GAB1: variants seen among roughly 807,000 people sequenced by gnomAD.
GAB1 encodes the protein GRB2 associated binding protein 1.
GAB1 carries 19 observed loss-of-function variants against 66.5 expected under a neutral mutation model. The observed-to-expected ratio is 0.29, with a 90% CI of 0.20 to 0.42. The LOEUF (loss-of-function observed/expected upper bound fraction) is 0.42, where lower values mean the gene tolerates loss of function less well. GAB1 is among the 10% of genes least tolerant of loss of function. The pLI is 1.00. For synonymous variants in GAB1, 294 were observed against 301.4 expected (o/e 0.98, Z 0.25); for missense variants, 732 against 858.5 (o/e 0.85, Z 1.84).
intron 1 of GAB1, among the ~76,000 whole-genome samples, chr4:143,375,088 T>C (rs115047704): frequency 0.042 from 6,459 of 152,198 alleles, 143 homozygotes; most frequent in African/African-American, 0.052. Flanking sequence ...GCTGGAATTA[T>C]AGGTGCCCGC....
chr4:143,388,386 T>A (rs1731014938), intron 1 of GAB1, among the ~76,000 whole-genome samples: 1 of 152,138 alleles, frequency 6.6e-6, no homozygotes, highest in South Asian at 2.1e-4. Context: ...ACTTAACACC[T>A]GGAGGAATTT....
chr4:143,405,262 A>G (rs1053213582), intron 1 of GAB1, among the ~76,000 whole-genome samples: 1 of 152,214 alleles, frequency 6.6e-6, no homozygotes, highest in African/African-American at 2.4e-5. Flanking sequence ...AACTGTGTAT[A>G]TATACATAAA....
intron 6 of GAB1, among the ~76,000 whole-genome samples, chr4:143,445,680 G>A (rs1373314454): frequency 6.6e-6 from 1 of 152,122 alleles, no homozygotes; most frequent in African/African-American, 2.4e-5. Flanking sequence ...TTATTATCAG[G>A]AGGAGACATT....
At chr4:143,432,256 A>G (rs1733697783) in intron 2 of GAB1, among the ~76,000 whole-genome samples, 3 of 152,210 alleles carry the variant, frequency 2.0e-5, no homozygotes, top group Admixed American at 6.5e-5. Flanking sequence ...CTCTAACCTC[A>G]GAAGAAATCT....
At position 143,438,433 on chromosome 4, in the gene GAB1, C is replaced by G; in HGVS notation, c.1028C>G (p.Pro343Arg). 6.2e-7 allele frequency: 1 copy of G among 1,614,046 alleles called. No individual in the cohort carries two copies. The highest frequency in any genetic ancestry group is 8.5e-7 in the Non-Finnish European group (1 of 1,180,004). Residue 343 changes from proline to arginine, a missense_variant, in exon 4 of 10, where the codon CCT becomes CGT. By Grantham distance (103) the Pro-to-Arg change is moderately radical. Coordinates refer to ENST00000262994, the MANE Select transcript of GAB1 (RefSeq NM_002039.4). ...GACACTATTCCAGATATTCCTCCAC[C>G]TCGGCCACCGAAACCACATCCAGCT... ...KLDTIPDIPP[P>R]RPPKPHPAHD...
In GAB1 at chr4:143,465,750, T is replaced by G. The variant is rs558067050; in HGVS notation, c.1804-353T>G. Among the ~76,000 whole-genome samples, 64 of 152,292 alleles carry G rather than the reference T, an allele frequency of 4.2e-4. 1 individual carries two copies. The highest frequency in any genetic ancestry group is 1.5e-3 in the African/African-American group (63 of 41,554). On this transcript the variant is annotated intron_variant, in intron 8 of 9. Transcript: ENST00000262994. ...AGCCTTTAGATAAAACGTAGAAAGT[T>G]TTTTTAAAATTTAACTTGAAAGCAA...
At chr4:143,431,058 T>C (rs933597803) in intron 2 of GAB1, among the ~76,000 whole-genome samples, 10 of 152,158 alleles carry the variant, frequency 6.6e-5, no homozygotes, top group African/African-American at 2.4e-4. Context: ...CACCTATCCT[T>C]CTTTAATTAA....
At chr4:143,382,500 G>A (rs1245013218) in intron 1 of GAB1, among the ~76,000 whole-genome samples, 1 of 152,122 alleles carries the variant, frequency 6.6e-6, no homozygotes, top group Admixed American at 6.5e-5. Flanking sequence ...TGTTATTTTG[G>A]AAAAGCAATG....
chr4:143,367,032 G>T (rs1290630487), intron 1 of GAB1, among the ~76,000 whole-genome samples: 2 of 152,042 alleles, frequency 1.3e-5, no homozygotes, highest in Non-Finnish European at 2.9e-5. Flanking sequence ...TTTTGTCCAG[G>T]CCACAGTTTT....
intron 1 of GAB1, among the ~76,000 whole-genome samples, chr4:143,407,142 A>C (rs141382081): frequency 7.2e-5 from 11 of 152,266 alleles, no homozygotes; most frequent in Admixed American, 7.2e-4. Context: ...AATATTACCT[A>C]TATACCTTTT....
At chr4:143,379,667 G>T (rs1436802438) in intron 1 of GAB1, among the ~76,000 whole-genome samples, 2 of 152,082 alleles carry the variant, frequency 1.3e-5, no homozygotes, top group African/African-American at 4.8e-5. Context: ...ACTCACTGCA[G>T]CCTCGACCTC....
At chr4:143,395,900 G>A (rs1339745303) in intron 1 of GAB1, 9 of 455,216 alleles carry the variant, frequency 2.0e-5, no homozygotes, top group East Asian at 6.9e-5. Flanking sequence ...CCCCGCCCCC[G>A]GGAGAGCAGC....
At chr4:143,432,965 T>C (rs1193329520) in intron 2 of GAB1, among the ~76,000 whole-genome samples, 1 of 152,188 alleles carries the variant, frequency 6.6e-6, no homozygotes, top group East Asian at 1.9e-4. Context: ...GAATAGACTT[T>C]ATTTTCACCA....
intron 1 of GAB1, among the ~76,000 whole-genome samples, chr4:143,382,954 A>G (rs534743523): frequency 1.3e-5 from 2 of 152,300 alleles, no homozygotes; most frequent in South Asian, 2.1e-4. Context: ...ACTGATTTCT[A>G]GTTGACTTTG....
At chr4:143,371,169 T>G (rs1158464577) in intron 1 of GAB1, among the ~76,000 whole-genome samples, 3 of 152,062 alleles carry the variant, frequency 2.0e-5, no homozygotes, top group Admixed American at 6.5e-5. Flanking sequence ...CCACCAACAG[T>G]GGAAAAGTGT....
intron 1 of GAB1, among the ~76,000 whole-genome samples, chr4:143,412,589 A>C (rs1410653748): frequency 1.3e-5 from 2 of 152,230 alleles, no homozygotes; most frequent in Non-Finnish European, 2.9e-5. Flanking sequence ...GAAAAATTGA[A>C]TTGCAAAATT....
rs1430274000 is a variant in GAB1 at position 143,443,767 on chromosome 4, G to C, written c.1585+3385G>C. ...AGATTGTCTTTGGAAGGATCTATAAGAAACCAGTAACATTCTAGTCTTGTT... is the reference window on the plus strand; with the variant it reads ...AGATTGTCTTTGGAAGGATCTATAACAAACCAGTAACATTCTAGTCTTGTT... On this transcript the variant is annotated intron_variant, in intron 6 of 9. Coordinates refer to ENST00000262994, the MANE Select transcript of GAB1 (RefSeq NM_002039.4). Among the ~76,000 whole-genome samples, 3 of 152,260 alleles carry C rather than the reference G, an allele frequency of 2.0e-5. No individual in the cohort carries two copies. In the South Asian group the frequency reaches 6.2e-4, roughly 32 times the overall value.
At chr4:143,390,815 G>GTTGC (rs536724861) in intron 1 of GAB1, among the ~76,000 whole-genome samples, 134 of 152,196 alleles carry the variant, frequency 8.8e-4, no homozygotes, top group Admixed American at 1.5e-3. Context: ...CTTCCATCTT[G>GTTGC]TTGCTCCATG....
chr4:143,415,846 T>G, intron 2 of GAB1, 75 bp downstream of exon 2: 1 of 1,179,368 alleles, frequency 8.5e-7, no homozygotes, highest in Non-Finnish European at 1.2e-6. Flanking sequence ...TACAATTCTT[T>G]GTTATTTTAG....
Sources: gnomAD v4.1 joint callset for allele counts (sites outside exome capture counted in the v4.1 genomes callset) on GRCh38, gnomAD v4.1.1 for gene constraint, MANE v1.5 for transcripts, NCBI Gene and HGNC (gene_info 2026-07-23, HGNC 2026-07-21) for gene names.